NUMA1: variants seen among roughly 807,000 people sequenced by gnomAD.
NUMA1 encodes nuclear mitotic apparatus protein 1.
A neutral mutation model predicts 237.1 loss-of-function variants in NUMA1; 62 were observed. The observed-to-expected ratio is 0.26, with a 90% CI of 0.21 to 0.32. The LOEUF (loss-of-function observed/expected upper bound fraction) is 0.32, where lower values mean the gene tolerates loss of function less well. Ranked by LOEUF, NUMA1 falls within the 10% of genes least tolerant of loss-of-function variation. The probability of loss-of-function intolerance (pLI) is 1.00; values close to 1 mark genes in which losing one functional copy is unlikely to be tolerated. For synonymous variants in NUMA1, 1,028 were observed against 1,066.1 expected, an observed-to-expected ratio of 0.96 and a Z score of 0.70; for missense variants, 2,533 against 2,666.5, an observed-to-expected ratio of 0.95 and a Z score of 1.10.
Position 72,016,458 on chromosome 11 carries a change from G to C in NUMA1, c.1192C>G (p.Gln398Glu), listed in dbSNP as rs766402561. The C allele has an allele frequency of 6.2e-7, 1 of 1,614,112 alleles. No individual in the cohort carries two copies. The highest frequency in any genetic ancestry group is 1.1e-5 in the South Asian group (1 of 91,082). The change falls in exon 14 of 27, where the codon CAG becomes GAG. Residue 398 changes from glutamine to glutamate, a missense_variant. Gln to Glu is a conservative substitution (Grantham distance 29). This residue lies in a region of NUMA1 where 1,414 missense variants were observed against 1,508.1 expected (regional missense o/e 0.94). Transcript: ENST00000393695. ...SQLEEHLSQL[Q>E]DNPPQEKGEV... Reference sequence around the variant, plus strand: ...CCCTTCTCCTGGGGTGGGTTATCCTGCAGCTGGGACAAGTGTTCTTCCAGC... The same window carrying C: ...CCCTTCTCCTGGGGTGGGTTATCCTCCAGCTGGGACAAGTGTTCTTCCAGC...
rs750482086 is a variant in NUMA1 at position 72,009,321 on chromosome 11, G to A, written c.4786C>T (p.Leu1596=). The A allele has an allele frequency of 1.2e-6, 2 of 1,613,554 alleles. No individual in the cohort carries two copies. Among genetic ancestry groups the A allele is most frequent in the Non-Finnish European group, 1.7e-6 (2 of 1,179,994 alleles). The stretch of plus-strand genomic sequence containing the variant: ...TCCTTCTGGCTCAACTGGGCTTGCA[G>A]TTCATTCAGCTGGGCCTGGAGGCGC... The part of the protein sequence containing the change: ...AQRLQAQLNE[L]QAQLSQKEQA... The change falls in exon 18 of 27, where the codon CTG becomes TTG. Residue 1596 remains leucine, a synonymous_variant. Transcript: ENST00000393695.
chr11:72,057,453 A>G (rs145154640), intron 2 of NUMA1, among the ~76,000 whole-genome samples: 25 of 152,342 alleles, frequency 1.6e-4, no homozygotes, highest in African/African-American at 5.5e-4. Context: ...ACCTTTAAAA[A>G]TCAATTAAAG....
chr11:72,077,385 C>T (rs1254482162), intron 1 of NUMA1, among the ~76,000 whole-genome samples: 3 of 152,044 alleles, frequency 2.0e-5, no homozygotes, highest in African/African-American at 7.2e-5. Context: ...GACAGGTTAC[C>T]CACAATAAAA....
At chr11:72,023,246 G>A in intron 5 of NUMA1, 99 bp from the exon 6 acceptor site, 1 of 861,634 alleles carries the variant, frequency 1.2e-6, no homozygotes, top group Non-Finnish European at 1.9e-6. Context: ...GCTATCTCTG[G>A]TGGGGCTATG....
chr11:72,046,021 C>T (rs1387022949), intron 2 of NUMA1, among the ~76,000 whole-genome samples: 2 of 152,218 alleles, frequency 1.3e-5, no homozygotes, highest in East Asian at 3.9e-4. Flanking sequence ...GCTGAACCTT[C>T]CCCTAGAACC....
intron 2 of NUMA1, chr11:72,041,343 A>T (rs1941646207): frequency 6.6e-6 from 1 of 152,488 alleles, no homozygotes; most frequent in Admixed American, 6.5e-5. Context: ...GGGTGAAGGC[A>T]CAAGCAGGCA....
At chr11:72,009,245 T>TGGGCTG (rs748572347) in intron 18 of NUMA1, 23 bp downstream of exon 18, 8 of 1,606,584 alleles carry the variant, frequency 5.0e-6, no homozygotes, top group Non-Finnish European at 5.1e-6. Context: ...GAAGGTGGCA[T>TGGGCTG]GGGCTGGGGC....
chr11:72,024,251 A>T lies in NUMA1; in HGVS notation c.208+23T>A, dbSNP rs150180847. On this transcript the variant is annotated intron_variant, in intron 5 of 26. Coordinates refer to ENST00000393695, the MANE Select transcript of NUMA1 (RefSeq NM_006185.4). Reference sequence around the variant, plus strand: ...CGAGCTGAGGAAGCAGCTTCTTCATAGCTGGATAAGAAAGGTGCTTACTCT... The same window carrying T: ...CGAGCTGAGGAAGCAGCTTCTTCATTGCTGGATAAGAAAGGTGCTTACTCT... The T allele has an allele frequency of 4.4e-3, 7,004 of 1,610,068 alleles. 23 individuals are homozygous for T. Among genetic ancestry groups the T allele is most frequent in the Non-Finnish European group, 5.2e-3 (6,132 of 1,176,370 alleles).
intron 2 of NUMA1, among the ~76,000 whole-genome samples, chr11:72,063,091 G>GAT (rs977697283): frequency 1.3e-5 from 2 of 151,548 alleles, no homozygotes; most frequent in African/African-American, 4.9e-5. Context: ...ACAAAACCTT[G>GAT]ATATTTGGGC....
intron 2 of NUMA1, among the ~76,000 whole-genome samples, chr11:72,063,852 G>A (rs1591070880): frequency 6.6e-6 from 1 of 150,998 alleles, no homozygotes; most frequent in South Asian, 2.1e-4. Context: ...GAGCCTGGGA[G>A]GCTGAAGCCA....
chr11:72,057,867 T>C (rs3018289), intron 2 of NUMA1, among the ~76,000 whole-genome samples: 140,307 of 151,378 alleles, frequency 0.93, 65,267 homozygotes, highest in Non-Finnish European at 0.98. Context: ...GGCAGGAGTT[T>C]GAGAACAGCC....
At chr11:72,056,766 T>C (rs1942678460) in intron 2 of NUMA1, among the ~76,000 whole-genome samples, 1 of 151,486 alleles carries the variant, frequency 6.6e-6, no homozygotes, top group Non-Finnish European at 1.5e-5. Context: ...CTACCAGTTA[T>C]ATAAGGATGT....
chr11:72,051,471 ATTT>A (rs61257330), intron 2 of NUMA1, among the ~76,000 whole-genome samples: 1 of 142,628 alleles, frequency 7.0e-6, no homozygotes, highest in Non-Finnish European at 1.5e-5. Flanking sequence ...GAATTCAAAG[ATTT>A]TTTTTTTTTT....
chr11:72,035,761 T>C, intron 3 of NUMA1, 141 bp downstream of exon 3: 1 of 776,844 alleles, frequency 1.3e-6, no homozygotes, highest in Admixed American at 2.2e-5. Flanking sequence ...TGAAAATGCA[T>C]TTCCATGCTG....
chr11:72,037,516 A>C (rs1941176815), intron 2 of NUMA1, among the ~76,000 whole-genome samples: 1 of 152,302 alleles, frequency 6.6e-6, no homozygotes, highest in Non-Finnish European at 1.5e-5. Flanking sequence ...AAAAAAAAAT[A>C]ATAAAAAAAA....
intron 24 of NUMA1, 109 bp from the exon 25 acceptor site, chr11:72,004,450 T>G: frequency 8.1e-7 from 1 of 1,231,594 alleles, no homozygotes. Flanking sequence ...ACGTGCAACC[T>G]GCTCCCCTTC....
At position 72,008,691 on chromosome 11, in the gene NUMA1, G is replaced by T; in HGVS notation, c.5213C>A (p.Thr1738Asn). 6.2e-7 allele frequency: 1 copy of T among 1,614,118 alleles called. No homozygotes were observed. ...SCEEGTPLSITSKLPRTQPDG... is the reference protein window; with the variant it reads ...SCEEGTPLSINSKLPRTQPDG... The stretch of plus-strand genomic sequence containing the variant: ...GGGAGGAAGGCTGCCTCCTGACCTG[G>T]TGATACTGAGTGGGGTCCCCTCCTC... Residue 1738 changes from threonine to asparagine, a missense_variant, in exon 20 of 27, where the codon ACC becomes AAC. Thr to Asn is a moderately conservative substitution (Grantham distance 65, BLOSUM62 0). This residue lies in a region of NUMA1 where 795 missense variants were observed against 750.8 expected (regional missense o/e 1.06). Transcript: ENST00000393695.
chr11:72,028,436 A>C (rs1939855138), intron 4 of NUMA1, among the ~76,000 whole-genome samples: 1 of 141,260 alleles, frequency 7.1e-6, no homozygotes, highest in African/African-American at 2.8e-5. Flanking sequence ...CAAACAATCT[A>C]ATGTGCTTTT....
chr11:72,050,873 A>G (rs962207099), intron 2 of NUMA1: 12 of 148,088 alleles, frequency 8.1e-5, no homozygotes, highest in African/African-American at 2.8e-4. Flanking sequence ...ATGGCACCAG[A>G]TCTATACCCA....
Sources: allele counts gnomAD v4.1 joint callset (sites outside exome capture counted in the v4.1 genomes callset), GRCh38; gene constraint gnomAD v4.1.1; regional missense constraint gnomAD v4.1.1; transcripts MANE v1.5; gene names NCBI Gene and HGNC (gene_info 2026-07-23, HGNC 2026-07-21).